Variants in TMEM108 observed in about 807,000 individuals in gnomAD.
The protein encoded by TMEM108 is cancer/testis antigen 124.
TMEM108 carries 12 observed loss-of-function variants against 35.1 expected under a neutral mutation model. The ratio of observed to expected loss-of-function variants is 0.34; its 90% confidence interval spans 0.22 to 0.55. TMEM108 has a LOEUF of 0.55. TMEM108 is among the 20% of genes least tolerant of loss of function. The probability of loss-of-function intolerance (pLI) is 0.89; values close to 1 mark genes in which losing one functional copy is unlikely to be tolerated. For synonymous variants in TMEM108, 287 were observed against 308.6 expected (o/e 0.93, Z 0.73); for missense variants, 680 against 753.3 (o/e 0.90, Z 1.14).
chr3:133,117,769 G>A (rs1410533009), intron 2 of TMEM108, among the ~76,000 whole-genome samples: 2 of 152,054 alleles, frequency 1.3e-5, no homozygotes, highest in African/African-American at 4.8e-5. Flanking sequence ...TGGGTGCACC[G>A]GGTTTGGAAA....
At chr3:133,240,665 T>A (rs1946300327) in intron 3 of TMEM108, among the ~76,000 whole-genome samples, 1 of 152,162 alleles carries the variant, frequency 6.6e-6, no homozygotes, top group African/African-American at 2.4e-5. Flanking sequence ...AATTTCAAGC[T>A]CTCATGTTGT....
Position 133,302,671 on chromosome 3 carries a change from C to T in TMEM108, c.40+73320C>T, listed in dbSNP as rs569757270. Among the ~76,000 whole-genome samples, 4 of 152,178 alleles carry T rather than the reference C, an allele frequency of 2.6e-5. No homozygotes were observed. The East Asian group carries it at 5.8e-4, about 22-fold the overall frequency. ...TCCTGACCTCATGATCCTCCCGCCT[C>T]GGCCTCCCAAAGTGCTGGGATTACA... is the stretch of plus-strand genomic sequence containing the variant. On this transcript the variant is annotated intron_variant, in intron 3 of 5. Coordinates refer to ENST00000321871, the MANE Select transcript of TMEM108 (RefSeq NM_023943.4).
intron 2 of TMEM108, among the ~76,000 whole-genome samples, chr3:133,136,629 G>A (rs916083907): frequency 6.6e-6 from 1 of 152,208 alleles, no homozygotes; most frequent in Non-Finnish European, 1.5e-5. Flanking sequence ...GGTGTGGTGT[G>A]TCAGCCTGAA....
chr3:133,056,301 T>C lies in TMEM108; in HGVS notation c.-47+10281T>C, dbSNP rs893154663. On this transcript the variant is annotated intron_variant, in intron 2 of 5. Coordinates refer to ENST00000321871, the MANE Select transcript of TMEM108 (RefSeq NM_023943.4). ...CCCGTTCTCTCCTCCCTGTGTACAG[T>C]GCTCCTGTTTCTTTTCAGTGACCGC... Among the ~76,000 whole-genome samples, 14 of 152,162 alleles carry C rather than the reference T, an allele frequency of 9.2e-5. No homozygotes were observed. The South Asian group carries it at 1.0e-3, about 11-fold the overall frequency.
At chr3:133,053,622 A>G (rs1943432189) in intron 2 of TMEM108, among the ~76,000 whole-genome samples, 1 of 152,216 alleles carries the variant, frequency 6.6e-6, no homozygotes, top group Non-Finnish European at 1.5e-5. Context: ...GTCATGTGGC[A>G]AGTCTGCAAA....
intron 2 of TMEM108, among the ~76,000 whole-genome samples, chr3:133,059,807 C>T (rs925307320): frequency 6.6e-6 from 1 of 152,078 alleles, no homozygotes; most frequent in Non-Finnish European, 1.5e-5. Flanking sequence ...ATGCATTTTT[C>T]CCCTGGCCAG....
chr3:133,333,786 A>G (rs1160984629), intron 3 of TMEM108, among the ~76,000 whole-genome samples: 1 of 152,194 alleles, frequency 6.6e-6, no homozygotes, highest in Non-Finnish European at 1.5e-5. Flanking sequence ...CAATTTGTGT[A>G]TTTTCATTGA....
chr3:133,251,717 TG>T (rs1946474691), intron 3 of TMEM108, among the ~76,000 whole-genome samples: 1 of 152,174 alleles, frequency 6.6e-6, no homozygotes, highest in Non-Finnish European at 1.5e-5. Flanking sequence ...TCTAGTCACG[TG>T]GTCCTATCTA....
intron 3 of TMEM108, among the ~76,000 whole-genome samples, chr3:133,235,407 A>G (rs1946221025): frequency 6.6e-6 from 1 of 152,194 alleles, no homozygotes; most frequent in South Asian, 2.1e-4. Context: ...AAACAGAGAT[A>G]TAGATCAGTG....
chr3:133,188,218 C>T (rs1249793379), intron 2 of TMEM108, among the ~76,000 whole-genome samples: 4 of 152,130 alleles, frequency 2.6e-5, no homozygotes, highest in Admixed American at 2.0e-4. Flanking sequence ...GAACCAGGCG[C>T]GTCTGCACAC....
At chr3:133,221,071 A>G (rs774985698) in intron 2 of TMEM108, among the ~76,000 whole-genome samples, 4 of 152,214 alleles carry the variant, frequency 2.6e-5, no homozygotes, top group Non-Finnish European at 5.9e-5. Flanking sequence ...CTCTCAGCAT[A>G]TGGAAGTGTT....
intron 2 of TMEM108, among the ~76,000 whole-genome samples, chr3:133,138,711 T>G (rs1013576791): frequency 2.0e-5 from 3 of 152,190 alleles, no homozygotes; most frequent in Non-Finnish European, 2.9e-5. Context: ...GCCACCTTTT[T>G]GCAGTTAAGT....
chr3:133,299,130 A>T (rs1947184667), intron 3 of TMEM108, among the ~76,000 whole-genome samples: 1 of 152,206 alleles, frequency 6.6e-6, no homozygotes, highest in Non-Finnish European at 1.5e-5. Context: ...CTCACAGTTT[A>T]GTGAAAATGA....
At chr3:133,272,491 T>C (rs1486023494) in intron 3 of TMEM108, among the ~76,000 whole-genome samples, 1 of 152,128 alleles carries the variant, frequency 6.6e-6, no homozygotes, top group Non-Finnish European at 1.5e-5. Context: ...AAGCCAGGGA[T>C]GCTAAAGGAC....
intron 4 of TMEM108, chr3:133,388,646 G>T (rs2073189363): frequency 1.0e-6 from 1 of 985,384 alleles, no homozygotes; most frequent in East Asian, 1.1e-4. Context: ...AAGTCTTTTT[G>T]ATCAAAGCAG....
At chr3:133,116,168 C>A (rs1944285814) in intron 2 of TMEM108, among the ~76,000 whole-genome samples, 2 of 152,138 alleles carry the variant, frequency 1.3e-5, no homozygotes, top group East Asian at 1.9e-4. Flanking sequence ...AATGAGTTAT[C>A]CATTTGTAAA....
chr3:133,232,723 C>G (rs1314186218), intron 3 of TMEM108, among the ~76,000 whole-genome samples: 1 of 152,206 alleles, frequency 6.6e-6, no homozygotes, highest in Non-Finnish European at 1.5e-5. Flanking sequence ...TTTGTTACAA[C>G]TGACTATCTC....
At position 133,217,186 on chromosome 3, in the gene TMEM108, G is replaced by C. The variant is rs535275812; in HGVS notation, c.-46-12080G>C. Among the ~76,000 whole-genome samples, 116 of 152,162 alleles carry C rather than the reference G, an allele frequency of 7.6e-4. 1 individual carries two copies. In the South Asian group the frequency reaches 0.024, roughly 32 times the overall value. The stretch of plus-strand genomic sequence containing the variant: ...TATCTCTCTGTTGTTAGTGTACAGT[G>C]ATGTTGAGCATTTTTTCATGAACCT... On this transcript the variant is annotated intron_variant, in intron 2 of 5. Coordinates refer to ENST00000321871, the MANE Select transcript of TMEM108 (RefSeq NM_023943.4).
intron 2 of TMEM108, among the ~76,000 whole-genome samples, chr3:133,219,080 G>C (rs754735085): frequency 6.6e-6 from 1 of 151,968 alleles, no homozygotes; most frequent in Admixed American, 6.6e-5. Context: ...GGTCTGTTCA[G>C]AATTTCTATT....
Sources: gnomAD v4.1 joint callset for allele counts (sites outside exome capture counted in the v4.1 genomes callset) on GRCh38, gnomAD v4.1.1 for gene constraint, MANE v1.5 for transcripts, NCBI Gene and HGNC (gene_info 2026-07-23, HGNC 2026-07-21) for gene names.